GNL3L: variants seen among roughly 807,000 people sequenced by gnomAD.
GNL3L encodes the protein G protein nucleolar 3 like.
GNL3L carries 4 observed loss-of-function variants against 42.9 expected under a neutral mutation model. That is an observed-to-expected ratio of 0.09 (90% CI 0.05 to 0.21). The LOEUF is 0.21. GNL3L is among the 10% of genes least tolerant of loss of function. The pLI, the probability that GNL3L is intolerant of heterozygous loss-of-function variation, is 1.00. For synonymous variants in GNL3L, 159 were observed against 176.3 expected (o/e 0.90, Z 0.78); for missense variants, 412 against 481.7 (o/e 0.86, Z 1.36).
At chrX:54,545,374 T>TG (rs1310822251) in intron 8 of GNL3L, among the ~76,000 whole-genome samples, 2 of 102,141 alleles carry the variant, frequency 2.0e-5, no homozygotes, top group African/African-American at 7.1e-5. Flanking sequence ...AAGTTTTGTG[T>TG]TTTTTTTTTT....
At chrX:54,598,641 A>C (rs184885334) in intron 16 of GNL3L, among the ~76,000 whole-genome samples, 1,973 of 111,311 alleles carry the variant, frequency 0.018, 53 homozygotes, top group African/African-American at 0.061. Context: ...ATTAGAAAAC[A>C]TGAAATTAAT....
the GNL3L span, among the ~76,000 whole-genome samples, chrX:54,634,309 C>CT: frequency 2.7e-5 from 3 of 110,947 alleles, no homozygotes; most frequent in African/African-American, 9.9e-5. Context: ...TTTTTCCTTT[C>CT]CTTTTTTTTG....
At chrX:54,578,003 A>T (rs1255572505) in intron 16 of GNL3L, among the ~76,000 whole-genome samples, 2 of 111,536 alleles carry the variant, frequency 1.8e-5, no homozygotes, top group Admixed American at 9.6e-5. Context: ...TCGGCCTCCC[A>T]AAGTGCCAGG....
At chrX:54,544,723 C>G (rs766960764) in intron 8 of GNL3L, among the ~76,000 whole-genome samples, 1 of 110,504 alleles carries the variant, frequency 9.0e-6, no homozygotes, top group South Asian at 3.8e-4. Context: ...GGTGATCCAC[C>G]CACCTCGGCC....
chrX:54,585,771 T>G (rs1016399334), intron 16 of GNL3L, among the ~76,000 whole-genome samples: 3 of 112,112 alleles, frequency 2.7e-5, no homozygotes, highest in Admixed American at 9.6e-5. Context: ...ATTTTCTTCC[T>G]TCTACTTTTT....
chrX:54,560,026 G>T (rs927973104), intron 15 of GNL3L, among the ~76,000 whole-genome samples: 1 of 110,749 alleles, frequency 9.0e-6, no homozygotes, highest in Non-Finnish European at 1.9e-5. Flanking sequence ...CCTGGGGATG[G>T]TGGTTGGATA....
chrX:54,637,462 T>C, the GNL3L span, among the ~76,000 whole-genome samples: 1 of 111,753 alleles, frequency 8.9e-6, no homozygotes, highest in Non-Finnish European at 1.9e-5. Flanking sequence ...CACACATGTG[T>C]GCACACATGT....
chrX:54,632,356 G>A, the GNL3L span, among the ~76,000 whole-genome samples: 4 of 110,894 alleles, frequency 3.6e-5, no homozygotes, highest in East Asian at 1.1e-3. Context: ...ATTATTCCCC[G>A]AAATAAGTTT....
chrX:54,572,594 G>A (rs1247924031), intron 16 of GNL3L, among the ~76,000 whole-genome samples: 4 of 110,377 alleles, frequency 3.6e-5, no homozygotes, highest in African/African-American at 6.6e-5. Context: ...GGGCAGAGGC[G>A]CCCCTCACCT....
At chrX:54,618,038 T>C (rs1345822023) in intron 16 of GNL3L, among the ~76,000 whole-genome samples, 1 of 110,636 alleles carries the variant, frequency 9.0e-6, no homozygotes, top group Non-Finnish European at 1.9e-5. Context: ...TTTAAAAAAA[T>C]TTAGCTCTCA....
At chrX:54,619,608 G>A (rs1414868444) in intron 16 of GNL3L, among the ~76,000 whole-genome samples, 3 of 110,137 alleles carry the variant, frequency 2.7e-5, no homozygotes, top group Admixed American at 2.0e-4. Context: ...CTCTTGCCTC[G>A]GCCTTCCAAA....
intron 16 of GNL3L, among the ~76,000 whole-genome samples, chrX:54,588,557 G>A (rs1925819916): frequency 8.9e-6 from 1 of 111,887 alleles, no homozygotes. Flanking sequence ...GGGTGTGGTG[G>A]CTCACGCCTG....
At chrX:54,642,115 G>A in the GNL3L span, among the ~76,000 whole-genome samples, 7 of 111,271 alleles carry the variant, frequency 6.3e-5, no homozygotes, top group East Asian at 1.4e-3. Context: ...ATCCAAAAGA[G>A]TCTTAACAAA....
downstream of GNL3L, among the ~76,000 whole-genome samples, chrX:54,623,829 A>G (rs1221179315): frequency 9.0e-6 from 1 of 111,118 alleles, no homozygotes; most frequent in African/African-American, 3.3e-5. Flanking sequence ...GTATATAGAA[A>G]CACAACTAAT....
intron 5 of GNL3L, among the ~76,000 whole-genome samples, chrX:54,542,176 C>T (rs1924641845): frequency 9.0e-6 from 1 of 111,515 alleles, no homozygotes; most frequent in Admixed American, 9.5e-5. Flanking sequence ...ATCCATGTGC[C>T]ATGTTGGTGT....
chrX:54,628,867 TTTAA>T, the GNL3L span, among the ~76,000 whole-genome samples: 3 of 106,026 alleles, frequency 2.8e-5, no homozygotes, highest in Non-Finnish European at 5.8e-5. Flanking sequence ...GTTTTTTTAG[TTTAA>T]TTAAGTTTCC....
the GNL3L span, among the ~76,000 whole-genome samples, chrX:54,643,255 ATT>A: frequency 9.0e-6 from 1 of 110,912 alleles, no homozygotes; most frequent in Non-Finnish European, 1.9e-5. Flanking sequence ...TTTTTTTCTA[ATT>A]TTTTGTTTTT....
At position 54,532,558 on chromosome X, in the gene GNL3L, C is replaced by A; in HGVS notation, c.-9C>A. 1 of 1,189,793 alleles carries A rather than the reference C, an allele frequency of 8.4e-7. No homozygotes were observed. Among genetic ancestry groups the A allele is most frequent in the Non-Finnish European group, 1.1e-6 (1 of 875,265 alleles). On this transcript the variant is annotated 5_prime_UTR_variant, in exon 2 of 16. It adds an upstream start codon to the 5' untranslated region. Coordinates refer to ENST00000360845, the MANE Select transcript of GNL3L (RefSeq NM_001184819.2). ...AGATTTGAACCTATCTGCTTTCAAGCTGGTCATCATGATGAAACTTAGACA... is the reference window on the plus strand; with the variant it reads ...AGATTTGAACCTATCTGCTTTCAAGATGGTCATCATGATGAAACTTAGACA...
chrX:54,629,371 C>T, the GNL3L span, among the ~76,000 whole-genome samples: 2 of 111,451 alleles, frequency 1.8e-5, no homozygotes, highest in Admixed American at 9.6e-5. Context: ...TTCAACTTTT[C>T]CCCATTCAGT....
Sources: allele counts gnomAD v4.1 joint callset (sites outside exome capture counted in the v4.1 genomes callset), GRCh38; gene constraint gnomAD v4.1.1; transcripts MANE v1.5; gene names NCBI Gene and HGNC (gene_info 2026-07-23, HGNC 2026-07-21).